Variants in PAPSS1 observed in about 807,000 individuals in gnomAD.
The protein encoded by PAPSS1 is bifunctional 3'-phosphoadenosine 5'-phosphosulfate synthase 1.
Under a neutral mutation model 72.0 loss-of-function variants are expected in PAPSS1, and 50 were observed. The observed-to-expected ratio is 0.69, with a 90% CI of 0.55 to 0.88. The LOEUF (loss-of-function observed/expected upper bound fraction) is 0.88, where lower values mean the gene tolerates loss of function less well. Ranked by LOEUF, PAPSS1 falls within the 40% of genes least tolerant of loss-of-function variation. PAPSS1 has a pLI of 0.00. For missense variants in PAPSS1, 657 were observed against 782.2 expected, an observed-to-expected ratio of 0.84 and a Z score of 1.91; for synonymous variants, 261 against 263.6, an observed-to-expected ratio of 0.99 and a Z score of 0.09.
chr4:107,686,893 G>A lies in PAPSS1; in HGVS notation c.550+146C>T, dbSNP rs144238942. The A allele has an allele frequency of 8.0e-5, 60 of 753,160 alleles. No homozygotes were observed. The African/African-American group carries it at 1.1e-3, about 13-fold the overall frequency. The allele number at this position is 753,160 out of a possible 1,614,324, so 46.7% of individuals were successfully genotyped here. On this transcript the variant is annotated intron_variant, in intron 4 of 11. Transcript: ENST00000265174. ...CCAGGCACTGCTGCTATGCCTGAGAGATAGAACAGTGTAATAAGACTACAT... is the reference window on the plus strand; with the variant it reads ...CCAGGCACTGCTGCTATGCCTGAGAAATAGAACAGTGTAATAAGACTACAT...
chr4:107,643,921 G>A (rs1478297698), intron 10 of PAPSS1, among the ~76,000 whole-genome samples: 3 of 151,990 alleles, frequency 2.0e-5, no homozygotes, highest in Non-Finnish European at 4.4e-5. Context: ...ATTAGGAAAC[G>A]ATCAGAATGG....
chr4:107,653,710 G>A (rs898574065), intron 8 of PAPSS1, 84 bp from the exon 9 acceptor site: 24 of 1,081,288 alleles, frequency 2.2e-5, no homozygotes, highest in South Asian at 1.3e-4. Flanking sequence ...AAATACAGTC[G>A]TTGTAAGCTA....
At chr4:107,683,155 G>C (rs3805349) in intron 4 of PAPSS1, among the ~76,000 whole-genome samples, 5,954 of 152,058 alleles carry the variant, frequency 0.039, 151 homozygotes, top group African/African-American at 0.063. Context: ...GGTTAGAATG[G>C]TATGCATGAA....
chr4:107,621,750 A>G (rs905060731), intron 11 of PAPSS1, among the ~76,000 whole-genome samples: 4 of 150,328 alleles, frequency 2.7e-5, no homozygotes, highest in Non-Finnish European at 5.9e-5. Flanking sequence ...CCTCCCGAGT[A>G]GCTGGGACTA....
At chr4:107,614,511 T>C in intron 11 of PAPSS1, 124 bp from the exon 12 acceptor site, 1 of 645,702 alleles carries the variant, frequency 1.5e-6, no homozygotes, top group Middle Eastern at 4.3e-4. Context: ...ACATAGTACT[T>C]GTGAATATAA....
chr4:107,674,080 C>T (rs1264391154), intron 5 of PAPSS1, among the ~76,000 whole-genome samples: 2 of 152,166 alleles, frequency 1.3e-5, no homozygotes, highest in Non-Finnish European at 2.9e-5. Flanking sequence ...CCGGTACCAG[C>T]CACTGCAAAA....
At chr4:107,634,292 A>G (rs918612673) in intron 10 of PAPSS1, among the ~76,000 whole-genome samples, 2 of 152,198 alleles carry the variant, frequency 1.3e-5, no homozygotes, top group African/African-American at 4.8e-5. Flanking sequence ...CTGGGATTAC[A>G]GGTGTAAGCC....
intron 9 of PAPSS1, among the ~76,000 whole-genome samples, chr4:107,651,128 T>C (rs1480342931): frequency 6.6e-6 from 1 of 152,182 alleles, no homozygotes; most frequent in Non-Finnish European, 1.5e-5. Flanking sequence ...GTATCAGTAA[T>C]TTAAGCCAAA....
At chr4:107,681,562 C>T (rs1234573764) in intron 5 of PAPSS1, among the ~76,000 whole-genome samples, 2 of 152,314 alleles carry the variant, frequency 1.3e-5, no homozygotes, top group East Asian at 3.9e-4. Context: ...TAGAAACTTA[C>T]ATCCTCCACA....
intron 5 of PAPSS1, among the ~76,000 whole-genome samples, chr4:107,666,960 A>G (rs1727335278): frequency 6.6e-6 from 1 of 152,096 alleles, no homozygotes; most frequent in Non-Finnish European, 1.5e-5. Context: ...GTGCCTTTGG[A>G]GTGCTGAGGA....
intron 1 of PAPSS1, 103 bp downstream of exon 1, chr4:107,720,017 G>T: frequency 1.3e-6 from 2 of 1,548,324 alleles, no homozygotes; most frequent in Middle Eastern, 1.8e-4. Flanking sequence ...CGCGCTCCTG[G>T]AAGGATGGAT....
rs1726915061 is a variant in PAPSS1 at position 107,653,571 on chromosome 4, C to T, written c.1157G>A (p.Arg386Gln). ...LIGGDLQVLD[R>Q]VYWNDGLDQY... ...ATCAAGACCATCATTCCAATAAACT[C>T]GATCCAAGACTTGAAGATCTCCTCC... The change falls in exon 9 of 12, where the codon CGA becomes CAA. Residue 386 changes from arginine (R) to glutamine (Q), a missense_variant. Physicochemically the swap from Arg to Gln is conservative, Grantham distance 43 (BLOSUM62 1). Transcript: ENST00000265174. 5.0e-6 allele frequency: 8 copies of T among 1,613,230 alleles called. No individual in the cohort carries two copies. The highest frequency in any genetic ancestry group is 2.2e-5 in the East Asian group (1 of 44,780).
chr4:107,628,193 A>C (rs149413996), intron 11 of PAPSS1, among the ~76,000 whole-genome samples: 7 of 152,330 alleles, frequency 4.6e-5, no homozygotes, highest in Non-Finnish European at 8.8e-5. Context: ...CGCTCAGAAA[A>C]GTCTGCTGTC....
At chr4:107,616,629 C>G (rs528151301) in intron 11 of PAPSS1, among the ~76,000 whole-genome samples, 73 of 152,032 alleles carry the variant, frequency 4.8e-4, no homozygotes, top group African/African-American at 1.4e-3. Flanking sequence ...TATACTGTGG[C>G]AAAAAGGGGA....
At chr4:107,632,715 GC>G (rs1726255206) in intron 10 of PAPSS1, among the ~76,000 whole-genome samples, 1 of 152,132 alleles carries the variant, frequency 6.6e-6, no homozygotes, top group Non-Finnish European at 1.5e-5. Flanking sequence ...AGAAAGTGAA[GC>G]CCCCGAAAGG....
chr4:107,662,378 C>A (rs1455986493), intron 5 of PAPSS1, among the ~76,000 whole-genome samples: 1 of 152,114 alleles, frequency 6.6e-6, no homozygotes, highest in Non-Finnish European at 1.5e-5. Flanking sequence ...ATTGTGTTTA[C>A]TGAGGGTAAA....
At chr4:107,622,801 C>A (rs566288977) in intron 11 of PAPSS1, among the ~76,000 whole-genome samples, 3 of 152,304 alleles carry the variant, frequency 2.0e-5, no homozygotes, top group South Asian at 4.1e-4. Flanking sequence ...AAACACGAAC[C>A]CTTCACTAAT....
chr4:107,624,127 C>G (rs1219360672), intron 11 of PAPSS1, among the ~76,000 whole-genome samples: 1 of 152,190 alleles, frequency 6.6e-6, no homozygotes, highest in Non-Finnish European at 1.5e-5. Flanking sequence ...CTACCTCACT[C>G]TGTTTAACCC....
At chr4:107,694,158 G>T in intron 2 of PAPSS1, 152 bp from the exon 3 acceptor site, 1 of 600,548 alleles carries the variant, frequency 1.7e-6, no homozygotes, top group Non-Finnish European at 2.9e-6. Context: ...CAAACTCCTG[G>T]ACTCAAGAGA....
Sources: gnomAD v4.1 joint callset for allele counts (sites outside exome capture counted in the v4.1 genomes callset) on GRCh38, gnomAD v4.1.1 for gene constraint, MANE v1.5 for transcripts, NCBI Gene and HGNC (gene_info 2026-07-23, HGNC 2026-07-21) for gene names.